The following KCTD18 variants were observed in gnomAD, a reference collection of about 807,000 sequenced individuals.
The protein encoded by KCTD18 is BTB/POZ domain-containing protein KCTD18.
KCTD18 carries 22 observed loss-of-function variants against 30.4 expected under a neutral mutation model. The observed-to-expected ratio is 0.72, with a 90% CI of 0.52 to 1.03. The LOEUF (loss-of-function observed/expected upper bound fraction) is 1.03. KCTD18 is among the 50% of genes least tolerant of loss of function. KCTD18 has a pLI of 0.00. For missense variants in KCTD18, 529 were observed against 547.6 expected, an observed-to-expected ratio of 0.97 and a Z score of 0.34; for synonymous variants, 186 against 209.0, an observed-to-expected ratio of 0.89 and a Z score of 0.95.
chr2:200,498,123 A>G (rs1305150129), intron 4 of KCTD18, among the ~76,000 whole-genome samples: 1 of 152,174 alleles, frequency 6.6e-6, no homozygotes, highest in South Asian at 2.1e-4. Flanking sequence ...CACATCTTTA[A>G]TATCAAGTTT....
chr2:200,489,992 A>G lies in KCTD18; in HGVS notation c.*108T>C. 1 of 1,197,858 alleles carries G rather than the reference A, an allele frequency of 8.3e-7. No homozygotes were observed. The highest frequency in any genetic ancestry group is 1.1e-6 in the Non-Finnish European group (1 of 878,566). 74.2% of individuals were successfully genotyped at this position (1,197,858 alleles called of 1,614,324 possible). ...CAATTCCAGGAACAGAATCCTCAAC[A>G]TAAACCTAAGCTTCCCCTCTGCTGC... is the stretch of plus-strand genomic sequence containing the variant. On this transcript the variant is annotated 3_prime_UTR_variant, in exon 7 of 7. Coordinates refer to ENST00000359878, the MANE Select transcript of KCTD18 (RefSeq NM_152387.4).
intron 2 of KCTD18, among the ~76,000 whole-genome samples, chr2:200,506,631 C>A (rs774443894): frequency 2.6e-5 from 4 of 152,188 alleles, no homozygotes; most frequent in Non-Finnish European, 5.9e-5. Flanking sequence ...AGGTTATGAC[C>A]AGCCTTTATG....
At chr2:200,505,352 C>T (rs2030132432) in intron 2 of KCTD18, among the ~76,000 whole-genome samples, 1 of 152,182 alleles carries the variant, frequency 6.6e-6, no homozygotes, top group Non-Finnish European at 1.5e-5. Flanking sequence ...TAAAACCAAA[C>T]CCACACTCTG....
At chr2:200,498,555 TG>T (rs1272396169) in intron 4 of KCTD18, among the ~76,000 whole-genome samples, 1 of 152,236 alleles carries the variant, frequency 6.6e-6, no homozygotes, top group African/African-American at 2.4e-5. Context: ...AATGCTTCTA[TG>T]GTCTAGGAAG....
rs146496679 is a variant in KCTD18, at chr2:200,504,942, G to A, written c.178C>T (p.Arg60Cys). The A allele has an allele frequency of 2.0e-5, 33 of 1,613,466 alleles. No homozygotes were observed. Among genetic ancestry groups the A allele is most frequent in the African/African-American group, 2.0e-4 (15 of 74,868 alleles). Residue 60 changes from arginine to cysteine, a missense_variant, in exon 3 of 7, where the codon CGT becomes TGT. Coordinates refer to ENST00000359878, the MANE Select transcript of KCTD18 (RefSeq NM_152387.4). ...TDESGACVID[R>C]DGRLFKYLLD... Reference sequence around the variant, plus strand: ...AGGTATTTAAATAGACGTCCATCACGGTCAATAACACAAGCCCCTAGAAAA... The same window carrying A: ...AGGTATTTAAATAGACGTCCATCACAGTCAATAACACAAGCCCCTAGAAAA...
intron 5 of KCTD18, among the ~76,000 whole-genome samples, chr2:200,495,453 A>G (rs1443126441): frequency 6.6e-6 from 1 of 152,204 alleles, no homozygotes; most frequent in Non-Finnish European, 1.5e-5. Context: ...CTTAAGATAG[A>G]TAAGATAGAT....
chr2:200,491,861 TTC>T (rs2087923304), intron 6 of KCTD18, among the ~76,000 whole-genome samples: 2 of 152,176 alleles, frequency 1.3e-5, no homozygotes, highest in Non-Finnish European at 2.9e-5. Context: ...TCAACTCCCA[TTC>T]TTGGAAATGG....
rs372450231 is a variant in KCTD18 at position 200,490,191 on chromosome 2, G to C, written c.1190C>G (p.Thr397Arg). The stretch of plus-strand genomic sequence containing the variant: ...CGGCTTGAGGGAGTTGGCCTGCCTC[G>C]TGGCCGTGGGGGAGGGCAGGCAAGG... ...TAPCLPSPTA[T>R]RQANSLKPLP... Residue 397 changes from threonine (T) to arginine (R), a missense_variant, in exon 7 of 7, where the codon ACG becomes AGG. By Grantham distance (71) the Thr-to-Arg change is moderately conservative. Transcript: ENST00000359878. 1.9e-6 allele frequency: 3 copies of C among 1,613,932 alleles called. No individual in the cohort carries two copies. The highest frequency in any genetic ancestry group is 2.5e-6 in the Non-Finnish European group (3 of 1,179,804).
intron 3 of KCTD18, among the ~76,000 whole-genome samples, chr2:200,502,683 T>A (rs1264701151): frequency 6.6e-6 from 1 of 152,048 alleles, no homozygotes; most frequent in Non-Finnish European, 1.5e-5. Flanking sequence ...CTCCCAGAGT[T>A]TATAGCTAAT....
At position 200,506,969 on chromosome 2, in the gene KCTD18, C is replaced by T. The variant is rs559024713; in HGVS notation, c.48G>A (p.Leu16=). 1 of 1,614,006 alleles carries T rather than the reference C, an allele frequency of 6.2e-7. No individual in the cohort carries two copies. The highest frequency in any genetic ancestry group is 1.3e-5 in the African/African-American group (1 of 75,050). Residue 16 remains leucine, a synonymous_variant, in exon 2 of 7, where the codon CTG becomes CTA. Transcript: ENST00000359878. ...CTGTGTAAATACAGCCACCCACGTT[C>T]AGTCGGAGAACATCTAGCACCTCTT... ...AEEEVLDVLR[L]NVGGCIYTAR...
chr2:200,500,578 T>G (rs1178368573), intron 3 of KCTD18, among the ~76,000 whole-genome samples: 1 of 150,076 alleles, frequency 6.7e-6, no homozygotes, highest in African/African-American at 2.5e-5. Context: ...TTACAAGGGA[T>G]GTGAAGGACC....
intron 6 of KCTD18, 35 bp from the exon 7 acceptor site, chr2:200,490,651 A>G: frequency 1.3e-6 from 2 of 1,538,520 alleles, no homozygotes; most frequent in Non-Finnish European, 1.7e-6. Flanking sequence ...TTCCACATGT[A>G]TAGTTTTAGT....
In KCTD18 at chr2:200,506,993, T is replaced by C. The variant is rs1229395470; in HGVS notation, c.24A>G (p.Glu8=). ...TCAGTCGGAGAACATCTAGCACCTC[T>C]TCTTCTGCCTTGTGGCCTTCCATTT... MEGHKAE[E]EVLDVLRLNV... The change falls in exon 2 of 7, where the codon GAA becomes GAG. Residue 8 remains glutamate (E), a synonymous_variant. Coordinates refer to ENST00000359878, the MANE Select transcript of KCTD18 (RefSeq NM_152387.4). 2 of 1,611,504 alleles carry C rather than the reference T, an allele frequency of 1.2e-6. No homozygotes were observed. The highest frequency in any genetic ancestry group is 1.1e-5 in the South Asian group (1 of 90,776).
intron 5 of KCTD18, among the ~76,000 whole-genome samples, chr2:200,493,821 T>C (rs1188882010): frequency 6.6e-6 from 1 of 152,192 alleles, no homozygotes; most frequent in Non-Finnish European, 1.5e-5. Context: ...GTATAAGTAT[T>C]GTATAGGGGG....
At chr2:200,505,597 T>C (rs917151892) in intron 2 of KCTD18, among the ~76,000 whole-genome samples, 2 of 152,164 alleles carry the variant, frequency 1.3e-5, no homozygotes, top group Non-Finnish European at 2.9e-5. Flanking sequence ...AAACAGCAGT[T>C]TACCCCTAAC....
In KCTD18 at chr2:200,504,817, G is replaced by A; in HGVS notation, c.303C>T (p.Tyr101=). ...CATTGGCCAAATGGTCAGACAGGCT[G>A]TATGGATAAGGGATGCCAAAGTAAT... ...EADYFGIPYP[Y]SLSDHLANEM... The change falls in exon 3 of 7, where the codon TAC becomes TAT. Residue 101 remains tyrosine (Y), a synonymous_variant. Coordinates refer to ENST00000359878, the MANE Select transcript of KCTD18 (RefSeq NM_152387.4). 6.2e-7 allele frequency: 1 copy of A among 1,614,174 alleles called. No homozygotes were observed. Among genetic ancestry groups the A allele is most frequent in the South Asian group, 1.1e-5 (1 of 91,090 alleles).
chr2:200,499,297 C>A (rs1338532780), intron 3 of KCTD18, among the ~76,000 whole-genome samples: 3 of 151,990 alleles, frequency 2.0e-5, no homozygotes, highest in East Asian at 1.9e-4. Context: ...ACAAAAAATA[C>A]CCCCCAAAAC....
chr2:200,499,920 G>T (rs1166319519), intron 3 of KCTD18, among the ~76,000 whole-genome samples: 1 of 150,950 alleles, frequency 6.6e-6, no homozygotes, highest in East Asian at 1.9e-4. Context: ...ACATCAAAAA[G>T]CTTATCCACC....
At chr2:200,501,284 T>G (rs1300089209) in intron 3 of KCTD18, among the ~76,000 whole-genome samples, 2 of 112,400 alleles carry the variant, frequency 1.8e-5, no homozygotes, top group African/African-American at 6.1e-5. Flanking sequence ...AATTGACAAA[T>G]GGGATCTAAT....
Sources: allele counts gnomAD v4.1 joint callset (sites outside exome capture counted in the v4.1 genomes callset), GRCh38; gene constraint gnomAD v4.1.1; transcripts MANE v1.5; gene names NCBI Gene and HGNC (gene_info 2026-07-23, HGNC 2026-07-21).